GRM8: variants seen among roughly 807,000 people sequenced by gnomAD.
GRM8 encodes glutamate metabotropic receptor 8, also known as metabotropic glutamate receptor 8.
GRM8 carries 47 observed loss-of-function variants against 87.2 expected under a neutral mutation model. The observed-to-expected ratio is 0.54, with a 90% confidence interval of 0.43 to 0.69. The LOEUF (loss-of-function observed/expected upper bound fraction) is 0.69, where lower values mean the gene tolerates loss of function less well. Among genes scored for constraint, GRM8 ranks in the 30% least tolerant of loss-of-function variants. GRM8 has a pLI of 0.00. For missense variants in GRM8, 1,019 were observed against 1,139.2 expected (o/e 0.89, Z 1.52); for synonymous variants, 396 against 404.5 (o/e 0.98, Z 0.25).
intron 2 of GRM8, among the ~76,000 whole-genome samples, chr7:127,170,102 T>C (rs969206292): frequency 3.3e-5 from 5 of 152,204 alleles, no homozygotes; most frequent in African/African-American, 1.2e-4. Context: ...ACTTCTCTAA[T>C]GAATCTGGGC....
At position 127,134,054 on chromosome 7, in the gene GRM8, G is replaced by A. The variant is rs534841112; in HGVS notation, c.511-27342C>T. On this transcript the variant is annotated intron_variant, in intron 2 of 10. Transcript: ENST00000339582. ...TTCATCCTCATAGGTTTATCCCTTA[G>A]CTTCCTCTTTCCAAAAAGTAGGCCT... Among the ~76,000 whole-genome samples the A allele has an allele frequency of 9.1e-4, 138 of 152,202 alleles. 1 individual carries two copies. Among genetic ancestry groups the A allele is most frequent in the Admixed American group, 1.0e-3 (16 of 15,290 alleles).
intron 8 of GRM8, among the ~76,000 whole-genome samples, chr7:126,560,066 T>C (rs1456878808): frequency 6.6e-6 from 1 of 152,218 alleles, no homozygotes; most frequent in African/African-American, 2.4e-5. Flanking sequence ...TGTACTTACA[T>C]AACAGCAGCA....
At chr7:126,558,359 G>T (rs2150951121) in intron 8 of GRM8, among the ~76,000 whole-genome samples, 1 of 152,208 alleles carries the variant, frequency 6.6e-6, no homozygotes, top group East Asian at 1.9e-4. Context: ...AATCTAATTT[G>T]CCAAGGGCCA....
At chr7:126,658,947 G>A (rs529153558) in intron 7 of GRM8, among the ~76,000 whole-genome samples, 3 of 152,066 alleles carry the variant, frequency 2.0e-5, no homozygotes, top group South Asian at 4.2e-4. Context: ...CTTGACAAGC[G>A]GCCGCTACAG....
chr7:127,119,968 C>T (rs1826934769), intron 2 of GRM8, among the ~76,000 whole-genome samples: 1 of 152,182 alleles, frequency 6.6e-6, no homozygotes, highest in Non-Finnish European at 1.5e-5. Context: ...CAGTGAGTTC[C>T]AGACCCATGT....
intron 2 of GRM8, 145 bp from the exon 3 acceptor site, chr7:127,106,857 A>C: frequency 1.6e-6 from 1 of 635,546 alleles, no homozygotes; most frequent in South Asian, 1.9e-5. Context: ...CTACCAATTT[A>C]ATTGGAAAGT....
chr7:127,163,826 T>G (rs1793273910), intron 2 of GRM8, among the ~76,000 whole-genome samples: 1 of 152,176 alleles, frequency 6.6e-6, no homozygotes, highest in South Asian at 2.1e-4. Context: ...TAAAGAAATT[T>G]TTTAATGATA....
chr7:127,207,009 C>T (rs181356555), intron 2 of GRM8, among the ~76,000 whole-genome samples: 1 of 152,022 alleles, frequency 6.6e-6, no homozygotes, highest in African/African-American at 2.4e-5. Context: ...AACATGAATG[C>T]GTGTGAGGAA....
Position 126,583,097 on chromosome 7 carries a change from T to C in GRM8, c.1494+26265A>G, listed in dbSNP as rs1164495875. Among the ~76,000 whole-genome samples, 3 of 152,230 alleles carry C rather than the reference T, an allele frequency of 2.0e-5. No homozygotes were observed. In the East Asian group the frequency reaches 5.8e-4, roughly 29 times the overall value. ...CTTGCCAGGAGTGGTGGCTCATGCC[T>C]GTAGTCCCAGCACTTTGGGAGGCTA... On this transcript the variant is annotated intron_variant, in intron 8 of 10. Transcript: ENST00000339582.
intron 6 of GRM8, among the ~76,000 whole-genome samples, chr7:126,835,615 T>C (rs1795770663): frequency 6.6e-6 from 1 of 152,234 alleles, no homozygotes; most frequent in Non-Finnish European, 1.5e-5. Context: ...TCCATTTAAT[T>C]TCTTTAAAGC....
chr7:126,469,927 C>G (rs1187505618), intron 9 of GRM8, among the ~76,000 whole-genome samples: 2 of 152,090 alleles, frequency 1.3e-5, no homozygotes, highest in African/African-American at 4.8e-5. Context: ...CGGAAGAAGA[C>G]AGGACGATGT....
At chr7:127,160,527 A>ATG (rs1793031584) in intron 2 of GRM8, among the ~76,000 whole-genome samples, 1 of 149,768 alleles carries the variant, frequency 6.7e-6, no homozygotes. Context: ...AGGCTCCATC[A>ATG]CGCGCGCGCA....
intron 8 of GRM8, among the ~76,000 whole-genome samples, chr7:126,541,077 G>C (rs1562938829): frequency 6.6e-6 from 1 of 152,156 alleles, no homozygotes; most frequent in Non-Finnish European, 1.5e-5. Context: ...ACAAGACCAA[G>C]ACATGGTTCT....
chr7:126,775,479 G>GTTTTTTTTTTTTTTTTTTT (rs372733476), intron 6 of GRM8, among the ~76,000 whole-genome samples: 4 of 104,758 alleles, frequency 3.8e-5, no homozygotes, highest in African/African-American at 1.7e-4. Flanking sequence ...TGACAAATAG[G>GTTTTTTTTTTTTTTTTTTT]TTTTTTTTTT....
chr7:126,803,946 C>T (rs1227147487), intron 6 of GRM8, among the ~76,000 whole-genome samples: 3 of 152,348 alleles, frequency 2.0e-5, no homozygotes, highest in African/African-American at 4.8e-5. Flanking sequence ...ATTATCATGA[C>T]TTAATGCAAG....
intron 9 of GRM8, among the ~76,000 whole-genome samples, chr7:126,467,905 A>G (rs1466505888): frequency 6.6e-6 from 1 of 152,196 alleles, no homozygotes; most frequent in African/African-American, 2.4e-5. Context: ...CTCAGAACAT[A>G]TCCATGTGGA....
chr7:127,180,206 A>G (rs529572988), intron 2 of GRM8, among the ~76,000 whole-genome samples: 1 of 152,232 alleles, frequency 6.6e-6, no homozygotes, highest in South Asian at 2.1e-4. Flanking sequence ...AAGATCATTC[A>G]AGGCTACTAT....
chr7:126,459,035 G>T (rs1197011297), intron 9 of GRM8, among the ~76,000 whole-genome samples: 1 of 149,826 alleles, frequency 6.7e-6, no homozygotes, highest in Non-Finnish European at 1.5e-5. Context: ...ACTCAACAGA[G>T]AAAGAAGAAA....
chr7:126,974,113 C>T (rs745811152), intron 3 of GRM8, among the ~76,000 whole-genome samples: 5 of 152,166 alleles, frequency 3.3e-5, no homozygotes, highest in Non-Finnish European at 7.3e-5. Flanking sequence ...ATAAAAATTA[C>T]TTTTAGGCTA....
Sources: gnomAD v4.1 joint callset for allele counts (sites outside exome capture counted in the v4.1 genomes callset) on GRCh38, gnomAD v4.1.1 for gene constraint, MANE v1.5 for transcripts, NCBI Gene and HGNC (gene_info 2026-07-23, HGNC 2026-07-21) for gene names.